The following SP6 variants were observed in gnomAD, a reference collection of about 807,000 sequenced individuals.
SP6 encodes Sp6 transcription factor, also known as transcription factor Sp6.
A neutral mutation model predicts 23.4 loss-of-function variants in SP6; 10 were observed. The ratio of observed to expected loss-of-function variants is 0.43; its 90% CI spans 0.26 to 0.72. SP6 has a LOEUF of 0.72. Among genes scored for constraint, SP6 ranks in the 30% least tolerant of loss-of-function variants. The pLI is 0.23. For missense variants in SP6, 482 were observed against 523.8 expected (o/e 0.92, Z 0.78); for synonymous variants, 238 against 238.7 (o/e 1.00, Z 0.03).
At chr17:47,863,992 C>A in the SP6 span, among the ~76,000 whole-genome samples, 1 of 149,180 alleles carries the variant, frequency 6.7e-6, no homozygotes, top group Non-Finnish European at 1.5e-5. Flanking sequence ...CATGAGCTAC[C>A]GCGCCTGGCT....
chr17:47,874,019 T>TCTTCCCTCCTC, the SP6 span, among the ~76,000 whole-genome samples: 1 of 148,994 alleles, frequency 6.7e-6, no homozygotes, highest in Non-Finnish European at 1.5e-5. Flanking sequence ...CCTCCCTCCT[T>TCTTCCCTCCTC]CTTCCCTCCT....
the SP6 span, among the ~76,000 whole-genome samples, chr17:47,862,495 G>A: frequency 1.4e-5 from 2 of 141,140 alleles, no homozygotes; most frequent in African/African-American, 2.8e-5. Flanking sequence ...GCCACAGAGC[G>A]AGACTTTGTC....
upstream of SP6, among the ~76,000 whole-genome samples, chr17:47,859,563 G>C (rs753959213): frequency 6.6e-6 from 1 of 152,228 alleles, no homozygotes. Flanking sequence ...GGATGGATAA[G>C]CCACAGCTGA....
rs1318272070 is a variant in SP6, at chr17:47,844,923, G to A, written c.*2376C>T. ...ACAAAGGAAGCATGATGTAGTTGAT[G>A]ACTTTATTGCATAAAAAACACAGGC... On this transcript the variant is annotated 3_prime_UTR_variant, in exon 2 of 2. Coordinates refer to ENST00000536300, the MANE Select transcript of SP6 (RefSeq NM_001258248.2). 1 of 152,626 alleles carries A rather than the reference G, an allele frequency of 6.6e-6. No individual in the cohort carries two copies. Among genetic ancestry groups the A allele is most frequent in the Non-Finnish European group, 1.5e-5 (1 of 68,056 alleles). 9.5% of individuals were successfully genotyped at this position (152,626 alleles called of 1,614,324 possible). A position where few individuals can be genotyped will look rare whatever the true frequency, so the allele number is the denominator to read the frequency against.
At chr17:47,865,929 A>T in the SP6 span, among the ~76,000 whole-genome samples, 1 of 151,880 alleles carries the variant, frequency 6.6e-6, no homozygotes, top group Non-Finnish European at 1.5e-5. Context: ...TTCTCTCCCC[A>T]CCCCATCTAC....
the SP6 span, among the ~76,000 whole-genome samples, chr17:47,869,212 G>A: frequency 3.3e-5 from 5 of 152,222 alleles, no homozygotes; most frequent in Admixed American, 6.5e-5. Context: ...CCCCTGCCAA[G>A]CTGGACAGGA....
the SP6 span, among the ~76,000 whole-genome samples, chr17:47,871,615 TTC>T: frequency 1.7e-3 from 255 of 152,090 alleles, no homozygotes; most frequent in African/African-American, 5.9e-3. Context: ...CTGTTTCTGT[TTC>T]TTTCTTTTTT....
the SP6 span, among the ~76,000 whole-genome samples, chr17:47,872,455 G>T: frequency 6.6e-6 from 1 of 152,228 alleles, no homozygotes; most frequent in African/African-American, 2.4e-5. Flanking sequence ...GGGAGCTACA[G>T]GCCGGGCGGG....
chr17:47,849,014 A>G (rs2033926832), intron 1 of SP6, among the ~76,000 whole-genome samples: 1 of 152,152 alleles, frequency 6.6e-6, no homozygotes, highest in Admixed American at 6.5e-5. Context: ...AAGAGTTCTC[A>G]TGCCATTCCC....
the SP6 span, among the ~76,000 whole-genome samples, chr17:47,873,542 T>C: frequency 4.6e-5 from 7 of 152,220 alleles, no homozygotes; most frequent in Non-Finnish European, 8.8e-5. Context: ...GCTTTGCCTC[T>C]AACTTGCTGG....
upstream of SP6, among the ~76,000 whole-genome samples, chr17:47,853,398 C>T (rs1205743840): frequency 6.6e-6 from 1 of 152,214 alleles, no homozygotes; most frequent in Non-Finnish European, 1.5e-5. Flanking sequence ...AGTAGACACT[C>T]ATCAGGTCCA....
rs2033884161 is a variant in SP6, at chr17:47,846,317, T to C, written c.*982A>G. On this transcript the variant is annotated 3_prime_UTR_variant, in exon 2 of 2. Coordinates refer to ENST00000536300, the MANE Select transcript of SP6 (RefSeq NM_001258248.2). Reference sequence around the variant, plus strand: ...CTGATGAGACACCCCCAATCTGCCCTCAACCAGCCCAAGAAACCCTCTTCC... The same window carrying C: ...CTGATGAGACACCCCCAATCTGCCCCCAACCAGCCCAAGAAACCCTCTTCC... 1 of 152,122 alleles carries C rather than the reference T, an allele frequency of 6.6e-6. No homozygotes were observed. Among genetic ancestry groups the C allele is most frequent in the Non-Finnish European group, 1.5e-5 (1 of 68,036 alleles). 9.4% of individuals were successfully genotyped at this position (152,122 alleles called of 1,614,324 possible).
chr17:47,861,032 C>A, the SP6 span, among the ~76,000 whole-genome samples: 5 of 152,186 alleles, frequency 3.3e-5, no homozygotes, highest in African/African-American at 1.2e-4. Context: ...ACCTGGCAGG[C>A]GGAATCAGGC....
chr17:47,853,170 C>T (rs1052912290), upstream of SP6, among the ~76,000 whole-genome samples: 3 of 152,198 alleles, frequency 2.0e-5, no homozygotes, highest in African/African-American at 7.2e-5. Flanking sequence ...CGCCTGACAT[C>T]GGGGGATTGA....
At chr17:47,852,767 T>G (rs1274474871), upstream of SP6, among the ~76,000 whole-genome samples, 2 of 152,172 alleles carry the variant, frequency 1.3e-5, no homozygotes, top group Non-Finnish European at 2.9e-5. Context: ...GACGTCGGAT[T>G]CATCTGTGCA....
chr17:47,847,777 G>T lies in SP6; in HGVS notation c.653C>A (p.Ser218Ter). The T allele has an allele frequency of 6.5e-7, 1 of 1,549,158 alleles. No homozygotes were observed. Residue 218 changes from serine (S) to a stop codon, truncating the protein, a stop_gained, in exon 2 of 2, where the codon TCG becomes TAG. Transcript: ENST00000536300. LOFTEE classifies it high-confidence loss of function. ...GGTCTGGCCTGAGCTGCGGGGCACC[G>T]ACCGCCGGGAGCCTTTGGGACGCGC... Reference protein sequence around the residue: ...GAARPKGSRRSVPRSSGQTVC... With the variant: ...GAARPKGSRR
chr17:47,863,775 G>T, the SP6 span, among the ~76,000 whole-genome samples: 1 of 127,876 alleles, frequency 7.8e-6, no homozygotes. Flanking sequence ...GTCTCGCTCT[G>T]TCGCCCAGGC....
chr17:47,858,001 G>T (rs1209137340), upstream of SP6, among the ~76,000 whole-genome samples: 1 of 150,780 alleles, frequency 6.6e-6, no homozygotes, highest in Non-Finnish European at 1.5e-5. Context: ...GCCGCTGCCT[G>T]CACCTTCCAG....
At chr17:47,852,368 C>A (rs1411563171), upstream of SP6, among the ~76,000 whole-genome samples, 1 of 152,158 alleles carries the variant, frequency 6.6e-6, no homozygotes, top group Non-Finnish European at 1.5e-5. Context: ...TGCCTGGCCG[C>A]TGAGGTGGCC....
Sources: allele counts gnomAD v4.1 joint callset (sites outside exome capture counted in the v4.1 genomes callset), GRCh38; gene constraint gnomAD v4.1.1; transcripts MANE v1.5; gene names NCBI Gene and HGNC (gene_info 2026-07-23, HGNC 2026-07-21).